Variants in SEC14L4 observed in about 807,000 individuals in gnomAD.
The protein encoded by SEC14L4 is SEC14 like lipid binding 4, also known as SEC14-like protein 4.
Under a neutral mutation model 55.1 loss-of-function variants are expected in SEC14L4, and 42 were observed. That is an observed-to-expected ratio of 0.76 (90% confidence interval 0.60 to 0.99). The LOEUF is 0.99. Among genes scored for constraint, SEC14L4 ranks in the 50% least tolerant of loss-of-function variants. SEC14L4 has a pLI of 0.00. For synonymous variants in SEC14L4, 206 were observed against 206.8 expected, an observed-to-expected ratio of 1.00 and a Z score of 0.03; for missense variants, 445 against 512.1, an observed-to-expected ratio of 0.87 and a Z score of 1.27.
chr22:30,502,019 A>C (rs1399264906), intron 2 of SEC14L4, among the ~76,000 whole-genome samples: 2 of 151,428 alleles, frequency 1.3e-5, no homozygotes, highest in African/African-American at 4.9e-5. Context: ...GGCACGTGCC[A>C]CCACACCCAG....
At chr22:30,503,325 C>T (rs897497714) in intron 2 of SEC14L4, among the ~76,000 whole-genome samples, 3 of 151,302 alleles carry the variant, frequency 2.0e-5, no homozygotes, top group East Asian at 1.9e-4. Flanking sequence ...AGTGCAATGG[C>T]GGGATCTCGG....
chr22:30,496,025 T>C lies in SEC14L4; in HGVS notation c.131-54A>G, dbSNP rs1936139570. 1.1e-5 allele frequency: 17 copies of C among 1,547,396 alleles called. No homozygotes were observed. The South Asian group carries it at 1.9e-4, about 18-fold the overall frequency. On this transcript the variant is annotated intron_variant, in intron 2 of 11. Transcript: ENST00000255858. The stretch of plus-strand genomic sequence containing the variant: ...CAAGGCTAGATCCAGAAAGAGCCCT[T>C]CCCTAAAAACTCATGAGGAAACAGC...
rs369527258 is a variant in SEC14L4, at chr22:30,490,290, T to A, written c.1082-44A>T. The stretch of plus-strand genomic sequence containing the variant: ...GATCAGGGAGCACAAACCCCGCACA[T>A]CTGCAGGAAGAGCCAGCCCTGCATG... On this transcript the variant is annotated intron_variant, in intron 11 of 11. Transcript: ENST00000255858. 186 of 1,606,514 alleles carry A rather than the reference T, an allele frequency of 1.2e-4. 1 individual carries two copies. Among genetic ancestry groups the A allele is most frequent in the Non-Finnish European group, 1.4e-4 (162 of 1,179,670 alleles).
rs1601841645 is a variant in SEC14L4 at position 30,491,604 on chromosome 22, A to G, written c.1050T>C (p.Asp350=). ...CAGCCTGGAGGCAGGTGAGGCTCCCATCCTCAGGCACCATGTGGGCATTGT... is the reference window on the plus strand; with the variant it reads ...CAGCCTGGAGGCAGGTGAGGCTCCCGTCCTCAGGCACCATGTGGGCATTGT... ...QRYNAHMVPE[D]GSLTCLQAGV... Residue 350 remains aspartate, a synonymous_variant, in exon 11 of 12, where the codon GAT becomes GAC. Transcript: ENST00000255858. 1 of 1,614,118 alleles carries G rather than the reference A, an allele frequency of 6.2e-7. No individual in the cohort carries two copies. The highest frequency in any genetic ancestry group is 1.1e-5 in the South Asian group (1 of 91,074).
chr22:30,494,865 C>G lies in SEC14L4; in HGVS notation c.519+1G>C. 1 of 1,611,054 alleles carries G rather than the reference C, an allele frequency of 6.2e-7. No individual in the cohort carries two copies. The highest frequency in any genetic ancestry group is 8.5e-7 in the Non-Finnish European group (1 of 1,177,632). On this transcript the variant is annotated splice_donor_variant, in intron 6 of 11. Transcript: ENST00000255858. LOFTEE classifies it high-confidence loss of function. ...AGCCCCAAGCCAGCCACCCACCTTA[C>G]CTGCTGGTAGACCTCCACAGCTGGC...
chr22:30,505,131 CAAAA>C (rs528308322), intron 1 of SEC14L4, among the ~76,000 whole-genome samples: 1 of 69,170 alleles, frequency 1.4e-5, no homozygotes. Context: ...GACTCCATCT[CAAAA>C]AAAAAAAAAA....
chr22:30,498,546 A>T (rs993763799), intron 2 of SEC14L4, among the ~76,000 whole-genome samples: 10 of 152,262 alleles, frequency 6.6e-5, no homozygotes, highest in African/African-American at 2.2e-4. Flanking sequence ...CTACCAATTG[A>T]TATTTTTTCT....
rs372907232 is a variant in SEC14L4 at position 30,490,163 on chromosome 22, C to T, written c.1165G>A (p.Ala389Thr). The change falls in exon 12 of 12, where the codon GCC becomes ACC. Residue 389 changes from alanine to threonine, a missense_variant. Ala to Thr is a moderately conservative substitution (Grantham distance 58, BLOSUM62 0). Coordinates refer to ENST00000255858, the MANE Select transcript of SEC14L4 (RefSeq NM_174977.4). ...AGACTCTGCAGCGTCTCCTCAGAGG[C>T]CTTGTCGGGAAGCAGCACCTCCACA... ...YTVEVLLPDK[A>T]SEETLQSLKA... The T allele has an allele frequency of 1.7e-5, 27 of 1,614,048 alleles. No individual in the cohort carries two copies. Among genetic ancestry groups the T allele is most frequent in the Non-Finnish European group, 2.2e-5 (26 of 1,180,036 alleles).
At chr22:30,492,188 A>T in intron 8 of SEC14L4, 33 bp from the exon 9 acceptor site, 1 of 1,581,268 alleles carries the variant, frequency 6.3e-7, no homozygotes, top group Non-Finnish European at 8.6e-7. Flanking sequence ...CTCCAAAGGG[A>T]CTCAGGAGAC....
chr22:30,505,618 C>G lies in SEC14L4; in HGVS notation c.-7G>C. The G allele has an allele frequency of 1.3e-6, 2 of 1,552,686 alleles. No homozygotes were observed. Among genetic ancestry groups the G allele is most frequent in the Non-Finnish European group, 1.7e-6 (2 of 1,153,938 alleles). ...CCCCGACTCGGCTGCTCATGGTGCCCGCGGGCGCAGAAAGGCTCAGGGCGC... is the reference window on the plus strand; with the variant it reads ...CCCCGACTCGGCTGCTCATGGTGCCGGCGGGCGCAGAAAGGCTCAGGGCGC... On this transcript the variant is annotated 5_prime_UTR_variant, in exon 1 of 12. Transcript: ENST00000255858.
intron 2 of SEC14L4, among the ~76,000 whole-genome samples, chr22:30,499,437 T>C (rs1006639125): frequency 2.6e-5 from 4 of 151,834 alleles, no homozygotes; most frequent in Non-Finnish European, 2.9e-5. Flanking sequence ...GAGAATTTTC[T>C]TTTTTAAAAA....
chr22:30,490,959 C>T (rs540329292), intron 11 of SEC14L4, among the ~76,000 whole-genome samples: 4 of 152,306 alleles, frequency 2.6e-5, no homozygotes, highest in Non-Finnish European at 5.9e-5. Flanking sequence ...TGTGATGAGT[C>T]GTGCAGACTT....
chr22:30,505,398 T>G (rs527949651), intron 1 of SEC14L4, among the ~76,000 whole-genome samples, 160 bp downstream of exon 1: 5 of 152,258 alleles, frequency 3.3e-5, no homozygotes, highest in Admixed American at 1.3e-4. Context: ...GTGCTGCACG[T>G]AGCCGCCTCA....
chr22:30,501,753 T>C (rs1268369424), intron 2 of SEC14L4, among the ~76,000 whole-genome samples: 1 of 151,480 alleles, frequency 6.6e-6, no homozygotes, highest in East Asian at 1.9e-4. Flanking sequence ...GTGCAGAGTA[T>C]GTGGGAACTT....
At chr22:30,499,630 T>C (rs1221174237) in intron 2 of SEC14L4, among the ~76,000 whole-genome samples, 1 of 151,290 alleles carries the variant, frequency 6.6e-6, no homozygotes, top group African/African-American at 2.4e-5. Context: ...TCCCAGCTAG[T>C]CAGGAGGCTG....
chr22:30,498,937 T>A (rs1285699679), intron 2 of SEC14L4, among the ~76,000 whole-genome samples: 1 of 150,676 alleles, frequency 6.6e-6, no homozygotes, highest in Non-Finnish European at 1.5e-5. Flanking sequence ...GCTGCATAAT[T>A]ATTATTATTA....
At chr22:30,493,732 G>A (rs867574492) in intron 7 of SEC14L4, among the ~76,000 whole-genome samples, 5 of 152,162 alleles carry the variant, frequency 3.3e-5, no homozygotes, top group Non-Finnish European at 5.9e-5. Flanking sequence ...GGCCGGGTGC[G>A]GTGGCTCACA....
intron 2 of SEC14L4, 91 bp from the exon 3 acceptor site, chr22:30,496,062 C>A (rs1936140624): frequency 2.1e-6 from 2 of 964,026 alleles, no homozygotes; most frequent in Non-Finnish European, 1.6e-6. Flanking sequence ...AAGGTGTCCC[C>A]AGCCTTTTCC....
At chr22:30,503,600 CAA>C in intron 2 of SEC14L4, 75 bp downstream of exon 2, 1 of 1,081,938 alleles carries the variant, frequency 9.2e-7, no homozygotes, top group South Asian at 1.4e-5. Flanking sequence ...TCCATTCCCT[CAA>C]AGTCTCCCAC....
Sources: allele counts gnomAD v4.1 joint callset (sites outside exome capture counted in the v4.1 genomes callset), GRCh38; gene constraint gnomAD v4.1.1; transcripts MANE v1.5; gene names NCBI Gene and HGNC (gene_info 2026-07-23, HGNC 2026-07-21).